Variants in ENOX1 observed in about 807,000 individuals in gnomAD.
The protein encoded by ENOX1 is candidate growth-related and time keeping constitutive hydroquinone (NADH) oxidase.
ENOX1 carries 42 observed loss-of-function variants against 82.5 expected under a neutral mutation model. The observed-to-expected ratio is 0.51, with a 90% CI of 0.40 to 0.66. ENOX1 has a LOEUF of 0.66. ENOX1 is among the 30% of genes least tolerant of loss of function. The pLI is 0.00. For synonymous variants in ENOX1, 271 were observed against 282.2 expected (o/e 0.96, Z 0.40); for missense variants, 608 against 811.6 (o/e 0.75, Z 3.05).
chr13:43,758,804 T>C (rs1332241990), intron 1 of ENOX1, among the ~76,000 whole-genome samples: 1 of 152,218 alleles, frequency 6.6e-6, no homozygotes, highest in Non-Finnish European at 1.5e-5. Context: ...TTAAATGATG[T>C]TTACAGTATT....
At chr13:43,493,931 C>T (rs1211295779) in intron 2 of ENOX1, among the ~76,000 whole-genome samples, 1 of 152,136 alleles carries the variant, frequency 6.6e-6, no homozygotes, top group African/African-American at 2.4e-5. Flanking sequence ...AGGAAACTTA[C>T]AATCATGACA....
chr13:43,618,570 G>A (rs768379414), intron 2 of ENOX1, among the ~76,000 whole-genome samples: 1 of 152,054 alleles, frequency 6.6e-6, no homozygotes, highest in Non-Finnish European at 1.5e-5. Flanking sequence ...GTTTATTTCT[G>A]GGTTCTCTAT....
intron 2 of ENOX1, among the ~76,000 whole-genome samples, chr13:43,573,829 A>T (rs1276313819): frequency 1.3e-5 from 2 of 152,208 alleles, no homozygotes; most frequent in Non-Finnish European, 2.9e-5. Context: ...TGCTGATAAA[A>T]GTTTGAGGAG....
intron 11 of ENOX1, among the ~76,000 whole-genome samples, chr13:43,308,275 C>T (rs956160161): frequency 6.6e-6 from 1 of 152,084 alleles, no homozygotes; most frequent in Non-Finnish European, 1.5e-5. Context: ...AAACTACCTC[C>T]CTCTCACTTC....
Position 43,356,294 on chromosome 13 carries a change from C to T in ENOX1, c.590-142G>A. ...TACATTTCCCATAGGAAGCGGGAAA[C>T]AATTATCCTTTTCCCCAGCAATCTT... is the stretch of plus-strand genomic sequence containing the variant. On this transcript the variant is annotated intron_variant, in intron 7 of 16. Transcript: ENST00000690772. 7 of 724,806 alleles carry T rather than the reference C, an allele frequency of 9.7e-6. No individual in the cohort carries two copies. In the South Asian group the frequency reaches 1.3e-4, roughly 14 times the overall value. The allele number at this position is 724,806 out of a possible 1,614,324, so 44.9% of individuals were successfully genotyped here. A position where few individuals can be genotyped will look rare whatever the true frequency, so the allele number is the denominator to read the frequency against.
chr13:43,650,954 G>C lies in ENOX1; in HGVS notation c.-219+16525C>G, dbSNP rs190764577. Among the ~76,000 whole-genome samples, 246 of 152,200 alleles carry C rather than the reference G, an allele frequency of 1.6e-3. 2 individuals are homozygous for C. Among genetic ancestry groups the C allele is most frequent in the Non-Finnish European group, 2.3e-3 (156 of 68,012 alleles). ...CGTCCCTCAATCCAACCTTTTTTGG[G>C]GAATCCTAAGCTATAAGAGAGATCA... On this transcript the variant is annotated intron_variant, in intron 2 of 16. Coordinates refer to ENST00000690772, the MANE Select transcript of ENOX1 (RefSeq NM_001347969.2).
chr13:43,336,268 T>A (rs1388716050), intron 9 of ENOX1, among the ~76,000 whole-genome samples: 1 of 152,166 alleles, frequency 6.6e-6, no homozygotes, highest in Non-Finnish European at 1.5e-5. Flanking sequence ...AGGACACCAA[T>A]CTGCCTAAAA....
chr13:43,570,930 C>T (rs1339411348), intron 2 of ENOX1, among the ~76,000 whole-genome samples: 1 of 152,178 alleles, frequency 6.6e-6, no homozygotes, highest in Admixed American at 6.5e-5. Flanking sequence ...TGATAAATGC[C>T]TATTCCCTCA....
At chr13:43,718,793 T>A (rs1363182630) in intron 1 of ENOX1, among the ~76,000 whole-genome samples, 1 of 151,784 alleles carries the variant, frequency 6.6e-6, no homozygotes, top group Non-Finnish European at 1.5e-5. Flanking sequence ...GACTTTGTTA[T>A]ATATTCCCCC....
intron 2 of ENOX1, among the ~76,000 whole-genome samples, chr13:43,617,930 GC>G (rs2082555153): frequency 6.6e-6 from 1 of 152,212 alleles, no homozygotes; most frequent in South Asian, 2.1e-4. Flanking sequence ...GGCCATTCTT[GC>G]AGGAATGAGC....
At chr13:43,585,664 G>A (rs1362699795) in intron 2 of ENOX1, among the ~76,000 whole-genome samples, 6 of 152,090 alleles carry the variant, frequency 3.9e-5, no homozygotes, top group Non-Finnish European at 7.4e-5. Context: ...TGCAACCTCC[G>A]TCTCCTGGGT....
chr13:43,623,522 C>T (rs1321086731), intron 2 of ENOX1, among the ~76,000 whole-genome samples: 2 of 152,184 alleles, frequency 1.3e-5, no homozygotes, highest in African/African-American at 4.8e-5. Context: ...CCTTCAGCTT[C>T]TCCAGTGGGA....
At chr13:43,555,230 C>T (rs2079381714) in intron 2 of ENOX1, among the ~76,000 whole-genome samples, 1 of 152,198 alleles carries the variant, frequency 6.6e-6, no homozygotes, top group East Asian at 1.9e-4. Flanking sequence ...AAAACATCAC[C>T]TTAGCTGTGT....
intron 1 of ENOX1, among the ~76,000 whole-genome samples, chr13:43,747,209 T>A (rs1468137916): frequency 6.6e-6 from 1 of 152,160 alleles, no homozygotes; most frequent in Non-Finnish European, 1.5e-5. Context: ...AACAAACAAC[T>A]GAGAGCTCCA....
rs185912090 is a variant in ENOX1, at chr13:43,493,482, G to A, written c.-218-9330C>T. On this transcript the variant is annotated intron_variant, in intron 2 of 16. Transcript: ENST00000690772. ...CAAGGACAACAGAGTCTGGACTTCT[G>A]ATATCCAACAGCAGAAGGAAAAGGC... is the stretch of plus-strand genomic sequence containing the variant. 2.6e-5 allele frequency among the ~76,000 whole-genome samples: 4 copies of A among 152,312 alleles called. 1 individual carries two copies. Among genetic ancestry groups the A allele is most frequent in the African/African-American group, 9.6e-5 (4 of 41,578 alleles).
rs186196510 is a variant in ENOX1 at position 43,521,775 on chromosome 13, T to C, written c.-218-37623A>G. 3.0e-3 allele frequency among the ~76,000 whole-genome samples: 456 copies of C among 152,230 alleles called. 1 individual carries two copies. Among genetic ancestry groups the C allele is most frequent in the Middle Eastern group, 0.027 (8 of 294 alleles). ...CTACTGGACTGGGAGCTCCCTGAGG[T>C]CTGGTCTGAATGGTGTCTCCAAGGC... On this transcript the variant is annotated intron_variant, in intron 2 of 16. Transcript: ENST00000690772.
At chr13:43,386,509 A>T (rs2052419395) in intron 5 of ENOX1, among the ~76,000 whole-genome samples, 1 of 152,210 alleles carries the variant, frequency 6.6e-6, no homozygotes, top group Non-Finnish European at 1.5e-5. Flanking sequence ...GATTTTCCTA[A>T]GGAAATAATG....
intron 2 of ENOX1, among the ~76,000 whole-genome samples, chr13:43,610,242 G>T (rs1403612146): frequency 6.6e-6 from 1 of 152,136 alleles, no homozygotes; most frequent in Admixed American, 6.6e-5. Flanking sequence ...CATTTTGCAG[G>T]TGATAAATAA....
chr13:43,259,949 C>T (rs529799507), intron 14 of ENOX1, among the ~76,000 whole-genome samples: 32 of 152,252 alleles, frequency 2.1e-4, no homozygotes, highest in Non-Finnish European at 3.8e-4. Context: ...TTAGAAGATA[C>T]GGTCCCATTC....
Sources: allele counts gnomAD v4.1 joint callset (sites outside exome capture counted in the v4.1 genomes callset), GRCh38; gene constraint gnomAD v4.1.1; transcripts MANE v1.5; gene names NCBI Gene and HGNC (gene_info 2026-07-23, HGNC 2026-07-21).